The following SI variants were observed in gnomAD, a reference collection of about 807,000 sequenced individuals.
SI encodes sucrase-isomaltase, intestinal.
Under a neutral mutation model 253.3 loss-of-function variants are expected in SI, and 235 were observed. The ratio of observed to expected loss-of-function variants is 0.93; its 90% CI spans 0.83 to 1.03. The LOEUF is 1.03. Ranked by LOEUF, SI falls within the 50% of genes least tolerant of loss-of-function variation. The probability of loss-of-function intolerance (pLI) is 0.00; values close to 1 mark genes in which losing one functional copy is unlikely to be tolerated. For synonymous variants in SI, 819 were observed against 712.0 expected (o/e 1.15, Z -2.39); for missense variants, 2,442 against 2,211.1 (o/e 1.10, Z -2.09).
upstream of SI, among the ~76,000 whole-genome samples, chr3:165,078,883 A>T (rs1158472258): frequency 6.6e-6 from 1 of 151,578 alleles, no homozygotes; most frequent in Non-Finnish European, 1.5e-5. Context: ...AAAAATTTTC[A>T]GGATATAACA....
intron 25 of SI, among the ~76,000 whole-genome samples, chr3:165,030,439 G>C (rs1244056724): frequency 6.6e-6 from 1 of 150,894 alleles, no homozygotes; most frequent in African/African-American, 2.4e-5. Flanking sequence ...CTCTCAGACA[G>C]AGTATTATTT....
upstream of SI, among the ~76,000 whole-genome samples, chr3:165,079,437 C>G (rs1295796386): frequency 6.6e-6 from 1 of 151,208 alleles, no homozygotes; most frequent in Non-Finnish European, 1.5e-5. Context: ...GTTTTTGAAG[C>G]AAACTAAATA....
intron 12 of SI, among the ~76,000 whole-genome samples, chr3:165,058,750 A>AT: frequency 6.6e-6 from 1 of 151,966 alleles, no homozygotes; most frequent in East Asian, 1.9e-4. Flanking sequence ...ATATCTTTAC[A>AT]TTTTTCATGA....
intron 28 of SI, among the ~76,000 whole-genome samples, chr3:165,018,575 ATATT>A (rs1445147572): frequency 2.0e-5 from 3 of 150,802 alleles, no homozygotes; most frequent in Non-Finnish European, 4.4e-5. Context: ...TATTTATAAA[ATATT>A]TAATTCATTG....
At chr3:165,024,144 T>A (rs1477095893) in intron 25 of SI, among the ~76,000 whole-genome samples, 1 of 151,400 alleles carries the variant, frequency 6.6e-6, no homozygotes, top group Admixed American at 6.6e-5. Flanking sequence ...TTATTGTGTA[T>A]AAAAATGGCA....
At chr3:165,017,714 A>G in intron 30 of SI, 41 bp from the exon 31 acceptor site, 3 of 1,601,858 alleles carry the variant, frequency 1.9e-6, no homozygotes, top group Non-Finnish European at 2.6e-6. Context: ...GAATTACTTT[A>G]TGCTATAAAA....
At chr3:165,051,229 G>A (rs1713412239) in intron 13 of SI, among the ~76,000 whole-genome samples, 1 of 151,808 alleles carries the variant, frequency 6.6e-6, no homozygotes, top group Non-Finnish European at 1.5e-5. Context: ...TTCTAACTAT[G>A]GATATAAAAA....
chr3:165,030,111 A>G (rs941972894), intron 25 of SI, among the ~76,000 whole-genome samples: 23 of 149,784 alleles, frequency 1.5e-4, no homozygotes, highest in Admixed American at 1.3e-3. Context: ...TATTAAATAA[A>G]TATATTTGTT....
chr3:165,047,145 T>C (rs1713163421), intron 15 of SI, 133 bp from the exon 16 acceptor site: 2 of 671,246 alleles, frequency 3.0e-6, no homozygotes, highest in South Asian at 2.0e-5. Flanking sequence ...TCATCTTGAA[T>C]TGTAACTTCC....
Position 165,037,899 on chromosome 3 carries a change from C to A in SI, c.2426+1G>T. On this transcript the variant is annotated splice_donor_variant, in intron 21 of 47. Coordinates refer to ENST00000264382, the MANE Select transcript of SI (RefSeq NM_001041.4). LOFTEE classifies it high-confidence loss of function. ...TTTCAACTAATGATTTTTCATTTTA[C>A]CTTGCTGTTGTTGTTACATCTGGTT... is the stretch of plus-strand genomic sequence containing the variant. 2 of 1,585,676 alleles carry A rather than the reference C, an allele frequency of 1.3e-6. No homozygotes were observed. Among genetic ancestry groups the A allele is most frequent in the Non-Finnish European group, 1.7e-6 (2 of 1,156,608 alleles).
intron 44 of SI, among the ~76,000 whole-genome samples, chr3:164,990,377 G>T (rs1350044641): frequency 6.6e-6 from 1 of 151,874 alleles, no homozygotes; most frequent in Non-Finnish European, 1.5e-5. Flanking sequence ...ACATTAAGTT[G>T]TCATTACTTT....
intron 47 of SI, among the ~76,000 whole-genome samples, chr3:164,981,262 C>T (rs918754408): frequency 1.3e-5 from 2 of 151,836 alleles, no homozygotes; most frequent in Non-Finnish European, 2.9e-5. Flanking sequence ...AAACATAGTT[C>T]CATATTAAAG....
chr3:165,048,320 T>C (rs945785088), intron 15 of SI, among the ~76,000 whole-genome samples: 1 of 151,824 alleles, frequency 6.6e-6, no homozygotes, highest in Non-Finnish European at 1.5e-5. Flanking sequence ...TTTTGTATCA[T>C]ATTTTATAAA....
intron 20 of SI, among the ~76,000 whole-genome samples, chr3:165,038,289 T>C (rs572308276): frequency 6.6e-6 from 1 of 152,166 alleles, no homozygotes; most frequent in East Asian, 1.9e-4. Flanking sequence ...TTTAATTAGC[T>C]TTTTTATTCT....
intron 10 of SI, 24 bp from the exon 11 acceptor site, chr3:165,059,323 C>A: frequency 6.2e-7 from 1 of 1,607,292 alleles, no homozygotes; most frequent in Non-Finnish European, 8.5e-7. Context: ...GATTGTATTT[C>A]AATACATAGT....
intron 12 of SI, among the ~76,000 whole-genome samples, chr3:165,057,480 G>C (rs985202685): frequency 1.3e-5 from 2 of 151,878 alleles, no homozygotes; most frequent in Admixed American, 1.3e-4. Flanking sequence ...TGAAGTATAG[G>C]AAAGATATAG....
the SI span, among the ~76,000 whole-genome samples, chr3:165,087,859 T>C: frequency 6.6e-6 from 1 of 152,178 alleles, no homozygotes; most frequent in Admixed American, 6.6e-5. Context: ...ATTAGCTGAT[T>C]AAAATGTATT....
At chr3:165,012,859 G>A (rs1286356001) in intron 34 of SI, 121 bp downstream of exon 34, 11 of 761,552 alleles carry the variant, frequency 1.4e-5, no homozygotes, top group Non-Finnish European at 2.2e-5. Flanking sequence ...GTCTGATATC[G>A]ATAATTTAAA....
intron 46 of SI, among the ~76,000 whole-genome samples, chr3:164,982,659 C>A (rs6810316): frequency 0.048 from 7,331 of 152,032 alleles, 599 homozygotes; most frequent in African/African-American, 0.17. Flanking sequence ...TGGATTCAGT[C>A]ACCAAATATG....
Sources: allele counts gnomAD v4.1 joint callset (sites outside exome capture counted in the v4.1 genomes callset), GRCh38; gene constraint gnomAD v4.1.1; transcripts MANE v1.5; gene names NCBI Gene and HGNC (gene_info 2026-07-23, HGNC 2026-07-21).